The following UMODL1 variants were observed in gnomAD, a reference collection of about 807,000 sequenced individuals.
The protein encoded by UMODL1 is uromodulin-like 1.
In UMODL1, 128 loss-of-function variants were observed where a neutral mutation model predicts 136.3. That is an observed-to-expected ratio of 0.94 (90% confidence interval 0.81 to 1.09). The LOEUF (loss-of-function observed/expected upper bound fraction) is 1.09. UMODL1 is among the 50% of genes least tolerant of loss of function. The pLI, the probability that UMODL1 is intolerant of heterozygous loss-of-function variation, is 0.00. For missense variants in UMODL1, 1,766 were observed against 1,725.6 expected (o/e 1.02, Z -0.41); for synonymous variants, 721 against 720.0 (o/e 1.00, Z -0.02).
At chr21:42,112,371 CTGTTCTGCACCCCCAGT>C (rs1569164147) in intron 12 of UMODL1, among the ~76,000 whole-genome samples, 2 of 151,876 alleles carry the variant, frequency 1.3e-5, no homozygotes, top group Non-Finnish European at 2.9e-5. Context: ...ATTTCCCCAG[CTGTTCTGCACCCCCAGT>C]TGTTCTGCAT....
intron 21 of UMODL1, among the ~76,000 whole-genome samples, chr21:42,135,405 A>C (rs2067192232): frequency 6.6e-6 from 1 of 152,254 alleles, no homozygotes; most frequent in African/African-American, 2.4e-5. Flanking sequence ...CTAGTGGTTC[A>C]GTTCGGAGCA....
chr21:42,093,130 T>C (rs567534598), intron 6 of UMODL1, among the ~76,000 whole-genome samples: 35 of 152,270 alleles, frequency 2.3e-4, no homozygotes, highest in East Asian at 1.9e-4. Flanking sequence ...TCCAGAAGAG[T>C]TGAATTATTT....
At chr21:42,101,407 T>C (rs1213228905) in intron 7 of UMODL1, among the ~76,000 whole-genome samples, 1 of 152,198 alleles carries the variant, frequency 6.6e-6, no homozygotes, top group Non-Finnish European at 1.5e-5. Context: ...GGCATTTCTG[T>C]GGCCTTAAGT....
At chr21:42,080,954 CA>C (rs1176666977) in intron 2 of UMODL1, among the ~76,000 whole-genome samples, 2 of 152,250 alleles carry the variant, frequency 1.3e-5, no homozygotes, top group Non-Finnish European at 2.9e-5. Flanking sequence ...TCCAATTACT[CA>C]TTATCATACA....
chr21:42,077,055 G>T (rs913307877), intron 2 of UMODL1, among the ~76,000 whole-genome samples: 1 of 139,540 alleles, frequency 7.2e-6, no homozygotes, highest in South Asian at 2.2e-4. Context: ...GTGTGTGTGT[G>T]TGTGTGTGTG....
chr21:42,076,134 G>T lies in UMODL1; in HGVS notation c.206G>T (p.Arg69Leu). 6.2e-7 allele frequency: 1 copy of T among 1,614,226 alleles called. No homozygotes were observed. The highest frequency in any genetic ancestry group is 8.5e-7 in the Non-Finnish European group (1 of 1,180,044). The part of the protein sequence containing the change: ...VSCGGWIPWR[R>L]CPKMVYRTQY... Reference sequence around the variant, plus strand: ...TGCGGCGGCTGGATCCCCTGGAGGCGGTGCCCTAAGATGGTTTACCGGACA... The same window carrying T: ...TGCGGCGGCTGGATCCCCTGGAGGCTGTGCCCTAAGATGGTTTACCGGACA... Residue 69 changes from arginine to leucine, a missense_variant, in exon 2 of 23, where the codon CGG (arginine) becomes CTG (leucine). Transcript: ENST00000408910.
intron 13 of UMODL1, among the ~76,000 whole-genome samples, chr21:42,114,356 T>C (rs1393387949): frequency 6.6e-6 from 1 of 152,254 alleles, no homozygotes; most frequent in Non-Finnish European, 1.5e-5. Flanking sequence ...ATATTACACA[T>C]ATTTGGATGA....
chr21:42,110,320 A>C (rs220123), intron 10 of UMODL1, among the ~76,000 whole-genome samples: 6 of 152,238 alleles, frequency 3.9e-5, no homozygotes, highest in Admixed American at 2.6e-4. Flanking sequence ...AGAGGCGCCC[A>C]GCCACTGGCT....
At chr21:42,068,660 G>C (rs1257421612), upstream of UMODL1, among the ~76,000 whole-genome samples, 3 of 152,186 alleles carry the variant, frequency 2.0e-5, no homozygotes, top group Non-Finnish European at 4.4e-5. The surrounding 1 kb of genome is among the most constrained non-coding windows in gnomAD (Gnocchi z 5.5). Context: ...ATACATATGA[G>C]TGAATATGTG....
chr21:42,069,739 T>C (rs986572767), upstream of UMODL1, among the ~76,000 whole-genome samples: 1 of 152,236 alleles, frequency 6.6e-6, no homozygotes. Context: ...TAGACATTCA[T>C]ACATTATAGT....
chr21:42,080,529 A>T (rs1363011655), intron 2 of UMODL1, among the ~76,000 whole-genome samples: 1 of 152,256 alleles, frequency 6.6e-6, no homozygotes, highest in African/African-American at 2.4e-5. Context: ...GCATGGACAC[A>T]CACGTGATAT....
At position 42,104,001 on chromosome 21, in the gene UMODL1, T is replaced by TGGGCATCTCCAC. The variant is rs2066676927; in HGVS notation, c.1435_1446dup (p.Gly479_Thr482dup). The TGGGCATCTCCAC allele has an allele frequency of 6.2e-7, 1 of 1,613,900 alleles. No homozygotes were observed. The highest frequency in any genetic ancestry group is 8.5e-7 in the Non-Finnish European group (1 of 1,180,042). ...ACCGTGCAGGACCCCGGGTTTCCCA[T>TGGGCATCTCCAC]GGGCATCTCCACGCTGGCCCCCATA... On this transcript the variant is annotated inframe_insertion, in exon 9 of 23. Transcript: ENST00000408910.
chr21:42,115,883 G>A lies in UMODL1; in HGVS notation c.2373G>A (p.Lys791=). The change falls in exon 14 of 23, where the codon AAG becomes AAA. Residue 791 remains lysine, a synonymous_variant. Transcript: ENST00000408910. ...TCCTCCATCCTGCAGCAGCCCGGAA[G>A]CTCATTGGAAAGGTCAGAATCAAAA... ...AHLKVRTAAR[K]LIGKVRIKNV... is the part of the protein sequence containing the mutation. The A allele has an allele frequency of 1.9e-6, 3 of 1,613,998 alleles. No individual in the cohort carries two copies. Among genetic ancestry groups the A allele is most frequent in the Non-Finnish European group, 2.5e-6 (3 of 1,179,918 alleles).
At chr21:42,137,682 G>C (rs1028460474) in intron 22 of UMODL1, 41 bp downstream of exon 22, 1 of 996,834 alleles carries the variant, frequency 1.0e-6, no homozygotes, top group Non-Finnish European at 1.4e-6. Flanking sequence ...CTGACAGGAA[G>C]GTGGGTGTGG....
At chr21:42,077,818 T>C (rs2066313235) in intron 2 of UMODL1, among the ~76,000 whole-genome samples, 1 of 152,140 alleles carries the variant, frequency 6.6e-6, no homozygotes, top group African/African-American at 2.4e-5. Flanking sequence ...AGGTTGGGCA[T>C]TACAAGACCA....
At position 42,119,314 on chromosome 21, in the gene UMODL1, C is replaced by A; in HGVS notation, c.2679C>A (p.Thr893=). The A allele has an allele frequency of 6.2e-7, 1 of 1,613,946 alleles. No individual in the cohort carries two copies. The highest frequency in any genetic ancestry group is 8.5e-7 in the Non-Finnish European group (1 of 1,179,996). ...TGCTGGAGGTGATCAGAGGCGACAC[C>A]TTCATACAGGGTACGAGAGGCTGGG... The part of the protein sequence containing the change: ...VPLLEVIRGD[T]FIQDYDECER... The change falls in exon 15 of 23, where the codon ACC becomes ACA. Residue 893 remains threonine, a synonymous_variant. Transcript: ENST00000408910.
At chr21:42,138,892 T>TA (rs1051782776) in intron 22 of UMODL1, among the ~76,000 whole-genome samples, 5 of 152,178 alleles carry the variant, frequency 3.3e-5, no homozygotes, top group African/African-American at 9.6e-5. Flanking sequence ...GAGATTTTTC[T>TA]AAAAAAAGAA....
rs1361848696 is a variant in UMODL1 at position 42,113,685 on chromosome 21, C to T, written c.2217C>T (p.Ser739=). The change falls in exon 13 of 23, where the codon TCC becomes TCT. Residue 739 remains serine, a synonymous_variant. Transcript: ENST00000408910. ...CCACCTTCCAGCTCACTCTGACTTCCATGTGGAGCCCTGCTGTGGTCCTAG... is the reference window on the plus strand; with the variant it reads ...CCACCTTCCAGCTCACTCTGACTTCTATGTGGAGCCCTGCTGTGGTCCTAG... ...MDSTFQLTLT[S]MWSPAVVLET... 1.2e-6 allele frequency: 2 copies of T among 1,614,090 alleles called. No homozygotes were observed. Among genetic ancestry groups the T allele is most frequent in the Non-Finnish European group, 1.7e-6 (2 of 1,180,046 alleles).
chr21:42,070,858 C>T (rs1258188825), upstream of UMODL1, among the ~76,000 whole-genome samples: 5 of 152,222 alleles, frequency 3.3e-5, no homozygotes, highest in Non-Finnish European at 2.9e-5. Context: ...GTGTGAAGGA[C>T]GCTTTTCTGA....
Sources: gnomAD v4.1 joint callset for allele counts (sites outside exome capture counted in the v4.1 genomes callset) on GRCh38, gnomAD v4.1.1 for gene constraint, Gnocchi (gnomAD v3.1) non-coding constraint, MANE v1.5 for transcripts, NCBI Gene and HGNC (gene_info 2026-07-23, HGNC 2026-07-21) for gene names.